Variants in SYCP2L observed in about 807,000 individuals in gnomAD.
The protein encoded by SYCP2L is synaptonemal complex protein 2 like.
In SYCP2L, 98 loss-of-function variants were observed where a neutral mutation model predicts 125.8. That is an observed-to-expected ratio of 0.78 (90% CI 0.66 to 0.92). The LOEUF is 0.92. Among genes scored for constraint, SYCP2L ranks in the 40% least tolerant of loss-of-function variants. SYCP2L has a pLI of 0.00. For synonymous variants in SYCP2L, 317 were observed against 325.4 expected, an observed-to-expected ratio of 0.97 and a Z score of 0.28; for missense variants, 842 against 936.4, an observed-to-expected ratio of 0.90 and a Z score of 1.32.
At chr6:10,900,801 C>T (rs1194096501) in intron 6 of SYCP2L, among the ~76,000 whole-genome samples, 1 of 152,188 alleles carries the variant, frequency 6.6e-6, no homozygotes, top group Non-Finnish European at 1.5e-5. Flanking sequence ...GGGACACAGT[C>T]CCATCTATAG....
At chr6:10,962,840 C>T (rs1781617492) in intron 28 of SYCP2L, among the ~76,000 whole-genome samples, 2 of 152,112 alleles carry the variant, frequency 1.3e-5, no homozygotes, top group Non-Finnish European at 2.9e-5. Context: ...AGTCATGTAG[C>T]CTATGGGAAA....
intron 14 of SYCP2L, among the ~76,000 whole-genome samples, chr6:10,920,066 C>A (rs1389002244): frequency 6.6e-6 from 1 of 152,130 alleles, no homozygotes; most frequent in Non-Finnish European, 1.5e-5. Context: ...GCTTTGATGT[C>A]TTATCCATCA....
intron 6 of SYCP2L, among the ~76,000 whole-genome samples, chr6:10,900,287 T>C (rs1363322364): frequency 6.6e-6 from 1 of 151,850 alleles, no homozygotes; most frequent in Non-Finnish European, 1.5e-5. Flanking sequence ...GGCAGAGACC[T>C]GGCTTCTTGC....
In SYCP2L at chr6:10,950,196, G is replaced by A. The variant is rs905595324; in HGVS notation, c.1955-4920G>A. 4.3e-5 allele frequency among the ~76,000 whole-genome samples: 6 copies of A among 138,912 alleles called. No homozygotes were observed. In the East Asian group the frequency reaches 1.2e-3, roughly 27 times the overall value. 91.1% of individuals were successfully genotyped at this position (138,912 alleles called of 152,430 possible). ...TTTCATTACCTTTTGCTAACTTATT[G>A]CAACATGGTCAGAGAAACACAGTCT... On this transcript the variant is annotated intron_variant, in intron 23 of 29. Transcript: ENST00000283141.
At chr6:10,896,966 T>C (rs1374972812) in intron 4 of SYCP2L, among the ~76,000 whole-genome samples, 2 of 152,144 alleles carry the variant, frequency 1.3e-5, no homozygotes, top group African/African-American at 4.8e-5. Flanking sequence ...CCTGCAAGAG[T>C]TGTTCGTCAG....
chr6:10,899,708 T>C (rs1392949860), intron 6 of SYCP2L, among the ~76,000 whole-genome samples: 1 of 152,236 alleles, frequency 6.6e-6, no homozygotes, highest in Non-Finnish European at 1.5e-5. Context: ...CACTACATTC[T>C]GCAATGGATG....
Position 10,906,879 on chromosome 6 carries a change from A to G in SYCP2L, c.677-663A>G, listed in dbSNP as rs1780505939. Among the ~76,000 whole-genome samples the G allele has an allele frequency of 2.0e-5, 3 of 151,952 alleles. 1 individual carries two copies. Among genetic ancestry groups the G allele is most frequent in the East Asian group, 3.9e-4 (2 of 5,164 alleles). ...CTCCCAAAGTGCTGGGATTACAGGCATGAGCCACCACGCCTGGCCAGTAGA... is the reference window on the plus strand; with the variant it reads ...CTCCCAAAGTGCTGGGATTACAGGCGTGAGCCACCACGCCTGGCCAGTAGA... On this transcript the variant is annotated intron_variant, in intron 9 of 29. Coordinates refer to ENST00000283141, the MANE Select transcript of SYCP2L (RefSeq NM_001040274.3).
intron 11 of SYCP2L, 75 bp from the exon 12 acceptor site, chr6:10,910,749 C>A: frequency 6.7e-7 from 1 of 1,498,500 alleles, no homozygotes; most frequent in Non-Finnish European, 9.3e-7. Flanking sequence ...GTTATAAGTG[C>A]TTGTTGCGGA....
chr6:10,961,507 G>A lies in SYCP2L; in HGVS notation c.2363G>A (p.Trp788Ter). 6.2e-7 allele frequency: 1 copy of A among 1,614,086 alleles called. No homozygotes were observed. The highest frequency in any genetic ancestry group is 8.5e-7 in the Non-Finnish European group (1 of 1,179,966). ...EHLEKEVLEF[W>*]GKQSADLQSF... Reference sequence around the variant, plus strand: ...ACTTTTGTTCAATCTTAGGAATTCTGGGGGAAACAGTCTGCTGATCTGCAA... The same window carrying A: ...ACTTTTGTTCAATCTTAGGAATTCTAGGGGAAACAGTCTGCTGATCTGCAA... The change falls in exon 28 of 30, where the codon TGG becomes TAG. Residue 788 changes from tryptophan to a stop codon, truncating the protein, a stop_gained. Transcript: ENST00000283141. LOFTEE classifies it high-confidence loss of function.
At chr6:10,911,518 C>A (rs1410579502) in intron 12 of SYCP2L, among the ~76,000 whole-genome samples, 2 of 152,172 alleles carry the variant, frequency 1.3e-5, no homozygotes, top group South Asian at 2.1e-4. Context: ...CCCTTCTTGG[C>A]CTCTCAGAGC....
At chr6:10,906,601 CTT>C (rs34420052) in intron 9 of SYCP2L, among the ~76,000 whole-genome samples, 139 of 143,900 alleles carry the variant, frequency 9.7e-4, no homozygotes, top group Middle Eastern at 7.2e-3. Context: ...GTAGTAGAAA[CTT>C]TTTTTTTTTT....
intron 21 of SYCP2L, among the ~76,000 whole-genome samples, chr6:10,937,437 G>A (rs1242199095): frequency 6.6e-6 from 1 of 152,152 alleles, no homozygotes; most frequent in Non-Finnish European, 1.5e-5. Context: ...AGCAAGAGCA[G>A]TGTTAAAAGG....
chr6:10,958,712 A>G, intron 25 of SYCP2L, 72 bp from the exon 26 acceptor site: 1 of 1,375,698 alleles, frequency 7.3e-7, no homozygotes, highest in Non-Finnish European at 1.0e-6. Context: ...GCATCTTTTT[A>G]ACACAAAGCA....
chr6:10,931,259 A>G (rs1780991465), intron 19 of SYCP2L, among the ~76,000 whole-genome samples, 181 bp from the exon 20 acceptor site: 1 of 152,214 alleles, frequency 6.6e-6, no homozygotes, highest in South Asian at 2.1e-4. Flanking sequence ...CTGAGTGGTG[A>G]GGAACTGAGT....
chr6:10,899,064 C>T (rs1780333198), intron 6 of SYCP2L, among the ~76,000 whole-genome samples: 1 of 152,204 alleles, frequency 6.6e-6, no homozygotes, highest in African/African-American at 2.4e-5. Context: ...TATTTCGCTG[C>T]TCCTGACATA....
rs3066124 is a variant in SYCP2L, at chr6:10,891,613, CTGTGTGTGTGTG to C, written c.78+72_78+83del. On this transcript the variant is annotated intron_variant, in intron 2 of 29. Transcript: ENST00000283141. ...ATCAAGTTTCTTTTATAATCTCTCTCTGTGTGTGTGTGTGTGTGTGTGTGTGTGTGTGTGTGT... is the reference window on the plus strand; with the variant it reads ...ATCAAGTTTCTTTTATAATCTCTCTCTGTGTGTGTGTGTGTGTGTGTGTGT... 4.5e-3 allele frequency: 534 copies of C among 119,380 alleles called. 1 individual carries two copies. The highest frequency in any genetic ancestry group is 0.014 in the African/African-American group (387 of 28,620). The allele number at this position is 119,380 out of a possible 1,614,324, so 7.4% of individuals were successfully genotyped here.
At chr6:10,966,598 A>G (rs916548207) in intron 29 of SYCP2L, among the ~76,000 whole-genome samples, 74 of 152,360 alleles carry the variant, frequency 4.9e-4, no homozygotes, top group Non-Finnish European at 6.0e-4. Flanking sequence ...AGCTGATTCT[A>G]ATGTGTAAGG....
Position 10,905,662 on chromosome 6 carries a change from A to G in SYCP2L, c.642-358A>G, listed in dbSNP as rs573464318. Among the ~76,000 whole-genome samples the G allele has an allele frequency of 5.3e-5, 8 of 152,300 alleles. No homozygotes were observed. The South Asian group carries it at 1.2e-3, about 24-fold the overall frequency. ...CACTGTCGTATCATTTCCTGCAAGT[A>G]TCAAACTGTGTAAAAGGACATACGC... On this transcript the variant is annotated intron_variant, in intron 8 of 29. Transcript: ENST00000283141.
At chr6:10,916,556 A>T (rs530285180) in intron 14 of SYCP2L, among the ~76,000 whole-genome samples, 1 of 152,212 alleles carries the variant, frequency 6.6e-6, no homozygotes, top group Admixed American at 6.5e-5. Context: ...TTAAATTTCC[A>T]TCTTGATTTC....
Sources: gnomAD v4.1 joint callset for allele counts (sites outside exome capture counted in the v4.1 genomes callset) on GRCh38, gnomAD v4.1.1 for gene constraint, MANE v1.5 for transcripts, NCBI Gene and HGNC (gene_info 2026-07-23, HGNC 2026-07-21) for gene names.